Variants in FBXL18 observed in about 807,000 individuals in gnomAD.
FBXL18 encodes the protein F-box/LRR-repeat protein 18.
In FBXL18, 36 loss-of-function variants were observed where a neutral mutation model predicts 46.0. That is an observed-to-expected ratio of 0.78 (90% CI 0.60 to 1.03). The LOEUF (loss-of-function observed/expected upper bound fraction) is 1.03. Ranked by LOEUF, FBXL18 falls within the 50% of genes least tolerant of loss-of-function variation. The probability of loss-of-function intolerance (pLI) is 0.00; values close to 1 mark genes in which losing one functional copy is unlikely to be tolerated. For synonymous variants in FBXL18, 557 were observed against 465.3 expected (o/e 1.20, Z -2.54); for missense variants, 977 against 1,004.1 (o/e 0.97, Z 0.36).
At chr7:5,467,053 T>C (rs1477436785) in intron 4 of FBXL18, among the ~76,000 whole-genome samples, 1 of 151,866 alleles carries the variant, frequency 6.6e-6, no homozygotes, top group Non-Finnish European at 1.5e-5. Flanking sequence ...CCTGTCTCGA[T>C]TAAAAATTTA....
In FBXL18 at chr7:5,467,408, T is replaced by TA. The variant is rs1783359221; in HGVS notation, c.2001-19566_2001-19565insT. Among the ~76,000 whole-genome samples the TA allele has an allele frequency of 6.6e-5, 10 of 150,468 alleles. No homozygotes were observed. The South Asian group carries it at 1.9e-3, about 28-fold the overall frequency. On this transcript the variant is annotated intron_variant and NMD_transcript_variant, in intron 4 of 6. Coordinates refer to the FBXL18 transcript ENST00000415009. ...ATAAAAATAAAAAATTAGCTGGGTG[T>TA]GGTGGTGGGCACCTATAATCCCAGT...
At chr7:5,474,999 C>T (rs549812297), downstream of FBXL18, among the ~76,000 whole-genome samples, 520 of 148,444 alleles carry the variant, frequency 3.5e-3, no homozygotes, top group South Asian at 7.3e-3. Flanking sequence ...TGAGCCACCG[C>T]GCCTGGCCAA....
intron 4 of FBXL18, chr7:5,490,011 A>ACTCTG: frequency 7.7e-7 from 1 of 1,306,160 alleles, no homozygotes; most frequent in Non-Finnish European, 1.0e-6. Context: ...TATAAACACA[A>ACTCTG]GTTGTTTTTA....
rs1000414862 is a variant in FBXL18 at position 5,476,811 on chromosome 7, C to G, written c.*4964G>C. On this transcript the variant is annotated 3_prime_UTR_variant, in exon 5 of 5. Coordinates refer to ENST00000382368, the MANE Select transcript of FBXL18 (RefSeq NM_024963.6). ...AGGAGCTTTAGAGAGCAGAGGAGCCCGAGTCACTGCCACCACTGGGTTCCT... is the reference window on the plus strand; with the variant it reads ...AGGAGCTTTAGAGAGCAGAGGAGCCGGAGTCACTGCCACCACTGGGTTCCT... The G allele has an allele frequency of 4.0e-5, 6 of 151,614 alleles. No homozygotes were observed. The highest frequency in any genetic ancestry group is 1.5e-4 in the African/African-American group (6 of 41,246). 9.4% of individuals were successfully genotyped at this position (151,614 alleles called of 1,614,324 possible).
intron 1 of FBXL18, among the ~76,000 whole-genome samples, chr7:5,511,253 G>C (rs1474009092): frequency 1.3e-5 from 2 of 151,744 alleles, no homozygotes; most frequent in Non-Finnish European, 2.9e-5. Context: ...TGGCTAACAC[G>C]GTGAAACCCC....
chr7:5,460,298 G>C (rs1000845337), intron 4 of FBXL18, among the ~76,000 whole-genome samples: 1 of 152,100 alleles, frequency 6.6e-6, no homozygotes, highest in Non-Finnish European at 1.5e-5. Flanking sequence ...TAGTGAAATA[G>C]GGCTACTATT....
chr7:5,460,096 C>A (rs1783222943), intron 4 of FBXL18, among the ~76,000 whole-genome samples: 1 of 151,316 alleles, frequency 6.6e-6, no homozygotes, highest in South Asian at 2.1e-4. Flanking sequence ...CCCATCTCTA[C>A]AAAAAAAATA....
In FBXL18 at chr7:5,464,431, G is replaced by T. The variant is rs574969919; in HGVS notation, c.2001-16588C>A. 2.6e-5 allele frequency among the ~76,000 whole-genome samples: 4 copies of T among 152,060 alleles called. No individual in the cohort carries two copies. The East Asian group carries it at 7.7e-4, about 29-fold the overall frequency. On this transcript the variant is annotated intron_variant and NMD_transcript_variant, in intron 4 of 6. Coordinates refer to the FBXL18 transcript ENST00000415009. The stretch of plus-strand genomic sequence containing the variant: ...GGAGGCAGAGGTTGCAGTGAGCCGA[G>T]ATCACGCCACTGGACTCCAGCCCAG...
intron 4 of FBXL18, among the ~76,000 whole-genome samples, chr7:5,460,716 G>T (rs1783231737): frequency 6.6e-6 from 1 of 152,168 alleles, no homozygotes. Flanking sequence ...GCCTCCCAAA[G>T]CCCTGGGATT....
At chr7:5,510,927 C>G (rs963191725) in intron 1 of FBXL18, among the ~76,000 whole-genome samples, 3 of 152,152 alleles carry the variant, frequency 2.0e-5, no homozygotes, top group African/African-American at 7.2e-5. Context: ...GAACCACCGG[C>G]TATAATGACA....
At chr7:5,494,669 G>T (rs541124132) in intron 3 of FBXL18, among the ~76,000 whole-genome samples, 38 of 152,252 alleles carry the variant, frequency 2.5e-4, no homozygotes, top group African/African-American at 8.7e-4. Context: ...GACGGTGCAG[G>T]CGCCGCACCT....
chr7:5,459,395 G>A (rs961996813), intron 4 of FBXL18, among the ~76,000 whole-genome samples: 10 of 152,176 alleles, frequency 6.6e-5, no homozygotes, highest in Non-Finnish European at 1.5e-4. Context: ...CCGAGGTCAG[G>A]AGTTTGAGAT....
chr7:5,455,615 G>A lies in FBXL18; in HGVS notation c.2001-7772C>T, dbSNP rs943000841. On this transcript the variant is annotated intron_variant and NMD_transcript_variant, in intron 4 of 6. Transcript: ENST00000415009. The surrounding 1 kb of genome is among the most constrained non-coding windows in gnomAD (Gnocchi z 4.6). ...GTTTGCATTCCCATGGCGCCAAGTC[G>A]GTCCTGAGAAGATCCTCCGGGATTG... Among the ~76,000 whole-genome samples the A allele has an allele frequency of 1.1e-4, 17 of 152,050 alleles. No homozygotes were observed. The highest frequency in any genetic ancestry group is 3.9e-4 in the Admixed American group (6 of 15,256).
At position 5,505,402 on chromosome 7, in the gene FBXL18, G is replaced by C; in HGVS notation, c.237+10C>G. The C allele has an allele frequency of 6.2e-7, 1 of 1,612,666 alleles. No individual in the cohort carries two copies. Among genetic ancestry groups the C allele is most frequent in the Non-Finnish European group, 8.5e-7 (1 of 1,178,828 alleles). Reference sequence around the variant, plus strand: ...CTTGTTTCTCATCTCCTGCCCCCACGCCTGCTCACCTGATAGTCCTTTTGC... The same window carrying C: ...CTTGTTTCTCATCTCCTGCCCCCACCCCTGCTCACCTGATAGTCCTTTTGC... On this transcript the variant is annotated intron_variant, in intron 2 of 4. Coordinates refer to ENST00000382368, the MANE Select transcript of FBXL18 (RefSeq NM_024963.6).
At chr7:5,463,746 T>A (rs9719529) in intron 4 of FBXL18, among the ~76,000 whole-genome samples, 23,664 of 82,186 alleles carry the variant, frequency 0.29, 3,368 homozygotes, top group Non-Finnish European at 0.36. Context: ...TTTTTTTTTT[T>A]TTTTTTTTTT....
At position 5,491,230 on chromosome 7, in the gene FBXL18, C is replaced by A; in HGVS notation, c.2000+1G>T. On this transcript the variant is annotated splice_donor_variant, in intron 4 of 4. Transcript: ENST00000382368. LOFTEE classifies it high-confidence loss of function. ...AGCTGTACGCAACCCACATCACTCA[C>A]CTGCGGAGAAGCGACTGCTGCAGGC... The A allele has an allele frequency of 6.2e-7, 1 of 1,609,372 alleles. No individual in the cohort carries two copies. Among genetic ancestry groups the A allele is most frequent in the Non-Finnish European group, 8.5e-7 (1 of 1,178,102 alleles).
At chr7:5,489,372 C>G (rs574611860) in intron 4 of FBXL18, 9 of 512,718 alleles carry the variant, frequency 1.8e-5, no homozygotes, top group Non-Finnish European at 3.5e-5. Flanking sequence ...TTGTGGCTCA[C>G]GCCTGTAATC....
chr7:5,457,566 G>A (rs573944685), intron 4 of FBXL18, among the ~76,000 whole-genome samples: 5 of 152,282 alleles, frequency 3.3e-5, no homozygotes, highest in East Asian at 3.9e-4. Context: ...GGAGCATTAA[G>A]GCCACCTCGG....
At chr7:5,504,182 C>A (rs1321608838) in intron 2 of FBXL18, among the ~76,000 whole-genome samples, 17 of 151,854 alleles carry the variant, frequency 1.1e-4, no homozygotes, top group Admixed American at 1.1e-3. Flanking sequence ...GTAATCCCAG[C>A]ACTTTGTGAG....
Sources: allele counts gnomAD v4.1 joint callset (sites outside exome capture counted in the v4.1 genomes callset), GRCh38; gene constraint gnomAD v4.1.1; non-coding constraint Gnocchi (gnomAD v3.1); transcripts MANE v1.5; gene names NCBI Gene and HGNC (gene_info 2026-07-23, HGNC 2026-07-21).